The following KLHL3 variants were observed in gnomAD, a reference collection of about 807,000 sequenced individuals.
The protein encoded by KLHL3 is kelch like family member 3.
Under a neutral mutation model 70.5 loss-of-function variants are expected in KLHL3, and 19 were observed. The observed-to-expected ratio is 0.27, with a 90% confidence interval of 0.19 to 0.40. The LOEUF is 0.40. KLHL3 is among the 10% of genes least tolerant of loss of function. KLHL3 has a pLI of 1.00. For synonymous variants in KLHL3, 258 were observed against 290.3 expected (o/e 0.89, Z 1.13); for missense variants, 512 against 771.1 (o/e 0.66, Z 3.98).
intron 12 of KLHL3, chr5:137,628,890 C>G (rs902930358): frequency 2.0e-5 from 3 of 151,950 alleles, no homozygotes; most frequent in Admixed American, 2.0e-4. Context: ...CCTTTTTTGC[C>G]TATCTATATT....
chr5:137,735,574 C>T, intron 1 of KLHL3, 59 bp downstream of exon 1: 1 of 1,366,782 alleles, frequency 7.3e-7, no homozygotes, highest in African/African-American at 1.4e-5. Context: ...GTGGCTGCAC[C>T]GCAAGCACAC....
intron 3 of KLHL3, among the ~76,000 whole-genome samples, chr5:137,704,292 G>A (rs1283134981): frequency 6.6e-6 from 1 of 152,122 alleles, no homozygotes; most frequent in African/African-American, 2.4e-5. Context: ...GGCTGAGGCA[G>A]GAGAATGGTG....
chr5:137,663,584 A>G (rs1359656936), intron 6 of KLHL3, among the ~76,000 whole-genome samples: 3 of 152,062 alleles, frequency 2.0e-5, no homozygotes, highest in Middle Eastern at 3.4e-3. Flanking sequence ...CTAATATAAT[A>G]CCCATACATC....
chr5:137,647,492 C>T (rs555305535), intron 8 of KLHL3: 8 of 469,838 alleles, frequency 1.7e-5, no homozygotes, highest in Non-Finnish European at 3.5e-5. Flanking sequence ...AATCTGGGCT[C>T]TACACACTTT....
Position 137,619,229 on chromosome 5 carries a change from A to G in KLHL3, c.*2869T>C, listed in dbSNP as rs1053250001. On this transcript the variant is annotated 3_prime_UTR_variant, in exon 15 of 15. Transcript: ENST00000309755. ...AAAAAGCATCTTAGGGGATATTGCAACTGGCTTGTCGGGAACTAGAATTAA... is the reference window on the plus strand; with the variant it reads ...AAAAAGCATCTTAGGGGATATTGCAGCTGGCTTGTCGGGAACTAGAATTAA... 14 of 152,678 alleles carry G rather than the reference A, an allele frequency of 9.2e-5. No homozygotes were observed. The allele number at this position is 152,678 out of a possible 1,614,324, so 9.5% of individuals were successfully genotyped here.
chr5:137,706,067 C>T lies in KLHL3; in HGVS notation c.241+3683G>A. 4 of 985,388 alleles carry T rather than the reference C, an allele frequency of 4.1e-6. No individual in the cohort carries two copies. The South Asian group carries it at 1.9e-4, about 46-fold the overall frequency. The allele number at this position is 985,388 out of a possible 1,614,324, so 61.0% of individuals were successfully genotyped here. A position where few individuals can be genotyped will look rare whatever the true frequency, so the allele number is the denominator to read the frequency against. On this transcript the variant is annotated intron_variant, in intron 3 of 14. Coordinates refer to ENST00000309755, the MANE Select transcript of KLHL3 (RefSeq NM_017415.3). The stretch of plus-strand genomic sequence containing the variant: ...TCAGACTTCAGTTTCACATTTATTC[C>T]AAGTTATTGTCCACAGGACAATGGT...
intron 8 of KLHL3, 67 bp from the exon 9 acceptor site, chr5:137,640,044 T>C: frequency 1.5e-6 from 2 of 1,313,670 alleles, no homozygotes. Flanking sequence ...TCCCTGGTAC[T>C]TCCACATGGC....
chr5:137,732,364 G>A (rs1753192305), intron 1 of KLHL3, among the ~76,000 whole-genome samples: 1 of 151,750 alleles, frequency 6.6e-6, no homozygotes, highest in Non-Finnish European at 1.5e-5. Flanking sequence ...ATACAGCAAA[G>A]GCTAGTGCAA....
At position 137,718,431 on chromosome 5, in the gene KLHL3, A is replaced by G. The variant is rs565249444; in HGVS notation, c.134+2034T>C. Among the ~76,000 whole-genome samples the G allele has an allele frequency of 8.5e-5, 13 of 152,318 alleles. No individual in the cohort carries two copies. The South Asian group carries it at 2.7e-3, about 32-fold the overall frequency. The stretch of plus-strand genomic sequence containing the variant: ...GAGGACTGCTTGAACTCAGGTGTTC[A>G]AGGTCACAGTGAGCTGTGACTGGGA... On this transcript the variant is annotated intron_variant, in intron 2 of 14. Coordinates refer to ENST00000309755, the MANE Select transcript of KLHL3 (RefSeq NM_017415.3).
intron 1 of KLHL3, among the ~76,000 whole-genome samples, chr5:137,731,825 A>G (rs550965905): frequency 6.6e-6 from 1 of 152,338 alleles, no homozygotes; most frequent in South Asian, 2.1e-4. Context: ...GATCTGCCAC[A>G]GTCTGGGCCT....
At chr5:137,667,710 G>A (rs1751646471) in intron 6 of KLHL3, among the ~76,000 whole-genome samples, 1 of 152,122 alleles carries the variant, frequency 6.6e-6, no homozygotes, top group Non-Finnish European at 1.5e-5. Context: ...AAAAAGGCAG[G>A]GCACTGACTT....
chr5:137,642,776 A>G (rs1750946780), intron 8 of KLHL3, among the ~76,000 whole-genome samples: 1 of 152,222 alleles, frequency 6.6e-6, no homozygotes, highest in Non-Finnish European at 1.5e-5. Context: ...AAATAAAAAG[A>G]GAAAGTGAGA....
intron 7 of KLHL3, among the ~76,000 whole-genome samples, chr5:137,660,096 T>C (rs956107490): frequency 1.3e-5 from 2 of 151,998 alleles, no homozygotes; most frequent in Non-Finnish European, 2.9e-5. Context: ...ATTCCAGAGG[T>C]GTTCACTCTG....
chr5:137,663,209 A>G (rs978300628), intron 6 of KLHL3, among the ~76,000 whole-genome samples: 2 of 151,844 alleles, frequency 1.3e-5, no homozygotes, highest in African/African-American at 4.8e-5. Flanking sequence ...GGTGTACACC[A>G]CTACACCCGG....
chr5:137,733,891 A>G (rs1322112242), intron 1 of KLHL3, among the ~76,000 whole-genome samples: 1 of 152,208 alleles, frequency 6.6e-6, no homozygotes, highest in Non-Finnish European at 1.5e-5. Context: ...TGGAGCAGGA[A>G]CAAAAGGTAT....
At chr5:137,636,218 A>G (rs1412439794) in intron 11 of KLHL3, among the ~76,000 whole-genome samples, 1 of 152,220 alleles carries the variant, frequency 6.6e-6, no homozygotes, top group Non-Finnish European at 1.5e-5. Context: ...ATTACACAAT[A>G]CCAGTGCAGA....
At chr5:137,669,422 T>G (rs557869471) in intron 6 of KLHL3, among the ~76,000 whole-genome samples, 2 of 152,326 alleles carry the variant, frequency 1.3e-5, no homozygotes, top group South Asian at 4.2e-4. Context: ...TGAATGTATG[T>G]ATGGTTCTCT....
chr5:137,685,999 A>G (rs1333879572), intron 5 of KLHL3, among the ~76,000 whole-genome samples: 1 of 152,198 alleles, frequency 6.6e-6, no homozygotes, highest in Non-Finnish European at 1.5e-5. Flanking sequence ...AGCAATAATA[A>G]CAACAACAAC....
intron 12 of KLHL3, among the ~76,000 whole-genome samples, chr5:137,631,731 A>C (rs566813913): frequency 6.6e-6 from 1 of 152,354 alleles, no homozygotes; most frequent in South Asian, 2.1e-4. Context: ...TTGAGGCATA[A>C]AAAGTACTTG....
Sources: gnomAD v4.1 joint callset for allele counts (sites outside exome capture counted in the v4.1 genomes callset) on GRCh38, gnomAD v4.1.1 for gene constraint, MANE v1.5 for transcripts, NCBI Gene and HGNC (gene_info 2026-07-23, HGNC 2026-07-21) for gene names.